Variants in ERBB4 observed in about 807,000 individuals in gnomAD.
ERBB4 encodes erb-b2 receptor tyrosine kinase 4, also known as receptor tyrosine-protein kinase erbB-4.
A neutral mutation model predicts 158.0 loss-of-function variants in ERBB4; 42 were observed. That is an observed-to-expected ratio of 0.27 (90% CI 0.21 to 0.34). The LOEUF (loss-of-function observed/expected upper bound fraction) is 0.34, where lower values mean the gene tolerates loss of function less well. Among genes scored for constraint, ERBB4 ranks in the 10% least tolerant of loss-of-function variants. The probability of loss-of-function intolerance (pLI) is 1.00; values close to 1 mark genes in which losing one functional copy is unlikely to be tolerated. For synonymous variants in ERBB4, 583 were observed against 558.7 expected, an observed-to-expected ratio of 1.04 and a Z score of -0.61; for missense variants, 1,333 against 1,624.1, an observed-to-expected ratio of 0.82 and a Z score of 3.08.
intron 3 of ERBB4, among the ~76,000 whole-genome samples, chr2:211,828,593 G>A (rs1263119205): frequency 6.6e-6 from 1 of 152,098 alleles, no homozygotes; most frequent in African/African-American, 2.4e-5. Context: ...TGTTGCTACT[G>A]TTAAGCAGTG....
At chr2:211,806,172 A>T (rs558604862) in intron 3 of ERBB4, among the ~76,000 whole-genome samples, 1 of 152,216 alleles carries the variant, frequency 6.6e-6, no homozygotes, top group African/African-American at 2.4e-5. Context: ...AAATTTCAGA[A>T]TCTTAAAAAA....
At chr2:212,352,050 G>A (rs1049984170) in intron 1 of ERBB4, among the ~76,000 whole-genome samples, 3 of 152,112 alleles carry the variant, frequency 2.0e-5, no homozygotes, top group African/African-American at 7.2e-5. Context: ...ATTATCTTAA[G>A]CAAACTAATG....
intron 15 of ERBB4, among the ~76,000 whole-genome samples, chr2:211,661,864 C>T (rs1380682610): frequency 6.7e-6 from 1 of 149,404 alleles, no homozygotes; most frequent in South Asian, 2.1e-4. Flanking sequence ...ACGGTGAAAC[C>T]CCGTCTCTAC....
chr2:212,078,979 C>G (rs1434930377), intron 2 of ERBB4, among the ~76,000 whole-genome samples: 1 of 151,002 alleles, frequency 6.6e-6, no homozygotes, highest in Non-Finnish European at 1.5e-5. Context: ...GTACAGTTAC[C>G]TATCCACGTT....
intron 2 of ERBB4, among the ~76,000 whole-genome samples, chr2:212,089,817 C>T (rs2078721225): frequency 6.6e-6 from 1 of 152,252 alleles, no homozygotes; most frequent in East Asian, 1.9e-4. Context: ...CATCTTTACT[C>T]TTTTTGTGAG....
chr2:212,356,292 G>A (rs2089460289), intron 1 of ERBB4, among the ~76,000 whole-genome samples: 1 of 149,172 alleles, frequency 6.7e-6, no homozygotes, highest in African/African-American at 2.5e-5. Flanking sequence ...TTTCACAGGA[G>A]CAGCAAGACC....
At chr2:212,233,084 G>A (rs1363101797) in intron 1 of ERBB4, among the ~76,000 whole-genome samples, 1 of 152,132 alleles carries the variant, frequency 6.6e-6, no homozygotes. Flanking sequence ...AAAGAGATTG[G>A]AATATTCAGG....
intron 3 of ERBB4, among the ~76,000 whole-genome samples, chr2:211,902,092 C>G (rs1297279167): frequency 6.6e-6 from 1 of 152,020 alleles, no homozygotes; most frequent in Non-Finnish European, 1.5e-5. Context: ...TCACTTCTCT[C>G]CAGTGTTGCT....
chr2:211,904,075 C>T (rs1276116037), intron 3 of ERBB4, among the ~76,000 whole-genome samples: 3 of 152,098 alleles, frequency 2.0e-5, no homozygotes, highest in Non-Finnish European at 2.9e-5. Flanking sequence ...CAGGGTCAGC[C>T]GCTAATGTCA....
intron 1 of ERBB4, among the ~76,000 whole-genome samples, chr2:212,238,836 T>G (rs1006755805): frequency 2.0e-5 from 3 of 152,134 alleles, no homozygotes; most frequent in African/African-American, 7.2e-5. Context: ...TCAGGCTTCC[T>G]ATATCTCATG....
In ERBB4 at chr2:212,286,767, ATTTTTT is replaced by A. The variant is rs748586400; in HGVS notation, c.83-161870_83-161865del. 2.1e-3 allele frequency among the ~76,000 whole-genome samples: 84 copies of A among 39,556 alleles called. 7 individuals carry two copies. The highest frequency in any genetic ancestry group is 0.016 in the East Asian group (23 of 1,472). 26.0% of individuals were successfully genotyped at this position (39,556 alleles called of 152,430 possible). On this transcript the variant is annotated intron_variant, in intron 1 of 27. Coordinates refer to ENST00000342788, the MANE Select transcript of ERBB4 (RefSeq NM_005235.3). The stretch of plus-strand genomic sequence containing the variant: ...TAGGCGGGTGGCACCATGAGGGTTA[ATTTTTT>A]TTTTTTTTTTTTTTTTTGTAGAGAC...
intron 3 of ERBB4, among the ~76,000 whole-genome samples, chr2:211,916,257 G>A (rs1234986909): frequency 6.6e-6 from 1 of 151,962 alleles, no homozygotes; most frequent in Non-Finnish European, 1.5e-5. Flanking sequence ...TCAGCTCACT[G>A]CAACCTCTGT....
At chr2:211,762,422 C>T (rs2075438047) in intron 4 of ERBB4, among the ~76,000 whole-genome samples, 2 of 152,222 alleles carry the variant, frequency 1.3e-5, no homozygotes, top group Admixed American at 6.5e-5. Flanking sequence ...CACTCTGCCA[C>T]TGGAACTTCG....
At chr2:211,671,878 T>G (rs1349205732) in intron 14 of ERBB4, among the ~76,000 whole-genome samples, 2 of 152,196 alleles carry the variant, frequency 1.3e-5, no homozygotes, top group African/African-American at 4.8e-5. Flanking sequence ...TAGTTAATTG[T>G]ATTTTTCATG....
intron 3 of ERBB4, among the ~76,000 whole-genome samples, chr2:211,839,853 G>T (rs934045477): frequency 6.6e-6 from 1 of 151,896 alleles, no homozygotes; most frequent in African/African-American, 2.4e-5. Context: ...GACCTACTGG[G>T]TTAAAAAAAC....
At chr2:212,011,904 A>T (rs1047944591) in intron 2 of ERBB4, among the ~76,000 whole-genome samples, 10 of 152,338 alleles carry the variant, frequency 6.6e-5, no homozygotes, top group African/African-American at 2.4e-4. Flanking sequence ...AAGTTATGAC[A>T]TTATAATTCT....
At chr2:212,461,358 C>G (rs1359928661) in intron 1 of ERBB4, among the ~76,000 whole-genome samples, 2 of 152,186 alleles carry the variant, frequency 1.3e-5, no homozygotes, top group Admixed American at 6.5e-5. Context: ...CCTCTTGCAT[C>G]CCACTGTGAC....
chr2:211,932,387 C>A (rs1199859465), intron 3 of ERBB4, among the ~76,000 whole-genome samples: 2 of 151,968 alleles, frequency 1.3e-5, no homozygotes, highest in Non-Finnish European at 2.9e-5. Context: ...TCTAATCAGA[C>A]AACTATAAAT....
intron 21 of ERBB4, among the ~76,000 whole-genome samples, chr2:211,428,791 C>T (rs1162428145): frequency 6.6e-6 from 1 of 152,120 alleles, no homozygotes; most frequent in East Asian, 1.9e-4. Context: ...AATCTCAGCT[C>T]ACTGCAATCT....
Sources: gnomAD v4.1 joint callset for allele counts (sites outside exome capture counted in the v4.1 genomes callset) on GRCh38, gnomAD v4.1.1 for gene constraint, MANE v1.5 for transcripts, NCBI Gene and HGNC (gene_info 2026-07-23, HGNC 2026-07-21) for gene names.